WDR17: variants seen among roughly 807,000 people sequenced by gnomAD.
WDR17 encodes the protein WD repeat-containing protein 17.
WDR17 carries 143 observed loss-of-function variants against 161.7 expected under a neutral mutation model. That is an observed-to-expected ratio of 0.88 (90% CI 0.77 to 1.02). The LOEUF (loss-of-function observed/expected upper bound fraction) is 1.02, where lower values mean the gene tolerates loss of function less well. Ranked by LOEUF, WDR17 falls within the 50% of genes least tolerant of loss-of-function variation. The pLI, the probability that WDR17 is intolerant of heterozygous loss-of-function variation, is 0.00. For missense variants in WDR17, 1,469 were observed against 1,520.9 expected (o/e 0.97, Z 0.57); for synonymous variants, 517 against 515.6 (o/e 1.00, Z -0.04).
chr4:176,149,025 C>T (rs951182581), intron 13 of WDR17, among the ~76,000 whole-genome samples: 8 of 152,060 alleles, frequency 5.3e-5, no homozygotes, highest in African/African-American at 1.4e-4. Flanking sequence ...CAAGGCAATG[C>T]GGGACTGAGT....
chr4:176,146,836 G>A (rs190111210), intron 12 of WDR17, among the ~76,000 whole-genome samples: 26 of 151,830 alleles, frequency 1.7e-4, no homozygotes, highest in Non-Finnish European at 2.2e-4. Flanking sequence ...ATATATTGTC[G>A]TGTGCAAGCT....
intron 1 of WDR17, among the ~76,000 whole-genome samples, chr4:176,107,099 G>A (rs567547520): frequency 1.3e-5 from 2 of 151,998 alleles, no homozygotes; most frequent in Non-Finnish European, 2.9e-5. Context: ...ACAAAGAAAC[G>A]TGATTTACCT....
chr4:176,176,587 T>G (rs1751484604), intron 26 of WDR17, among the ~76,000 whole-genome samples: 1 of 152,200 alleles, frequency 6.6e-6, no homozygotes, highest in Non-Finnish European at 1.5e-5. Context: ...CTCTTCAAAC[T>G]CCTATGTGTA....
At chr4:176,115,158 A>G (rs1034979481) in intron 2 of WDR17, among the ~76,000 whole-genome samples, 1 of 152,106 alleles carries the variant, frequency 6.6e-6, no homozygotes, top group African/African-American at 2.4e-5. Flanking sequence ...AGAAACTACA[A>G]CAAAAGGACA....
intron 1 of WDR17, among the ~76,000 whole-genome samples, chr4:176,103,262 T>G (rs1033092370): frequency 9.2e-5 from 14 of 152,118 alleles, no homozygotes; most frequent in Admixed American, 8.5e-4. Context: ...TGTTTATACC[T>G]GAGGATGATC....
chr4:176,111,575 G>T lies in WDR17; in HGVS notation c.-6G>T, dbSNP rs766341976. ...CATTTCTTCAAATTTGTTTTTCAAGGCAAACATGTCCCAGGTAAGGCAAGT... is the reference window on the plus strand; with the variant it reads ...CATTTCTTCAAATTTGTTTTTCAAGTCAAACATGTCCCAGGTAAGGCAAGT... On this transcript the variant is annotated splice_region_variant and 5_prime_UTR_variant, in exon 2 of 29. Transcript: ENST00000508596. 6.3e-6 allele frequency: 10 copies of T among 1,595,544 alleles called. No individual in the cohort carries two copies. Among genetic ancestry groups the T allele is most frequent in the Non-Finnish European group, 8.5e-6 (10 of 1,172,438 alleles).
At chr4:176,126,830 T>C (rs1425210917) in intron 5 of WDR17, among the ~76,000 whole-genome samples, 2 of 152,102 alleles carry the variant, frequency 1.3e-5, no homozygotes, top group Non-Finnish European at 2.9e-5. Flanking sequence ...GAGTGAGATC[T>C]CACGAGATCT....
chr4:176,097,762 C>G (rs1459589985), intron 1 of WDR17, among the ~76,000 whole-genome samples: 1 of 151,282 alleles, frequency 6.6e-6, no homozygotes, highest in Non-Finnish European at 1.5e-5. Context: ...CACACACACA[C>G]ACACACACAA....
At chr4:176,099,382 A>G (rs1421641140) in intron 1 of WDR17, among the ~76,000 whole-genome samples, 1 of 152,160 alleles carries the variant, frequency 6.6e-6, no homozygotes, top group Non-Finnish European at 1.5e-5. Flanking sequence ...TGGAAGCACA[A>G]TATGGTCAGG....
chr4:176,164,989 A>G (rs908069429), intron 22 of WDR17, among the ~76,000 whole-genome samples: 1 of 152,092 alleles, frequency 6.6e-6, no homozygotes, highest in Non-Finnish European at 1.5e-5. Flanking sequence ...GCTAAAAGTC[A>G]TCATCAGATG....
chr4:176,151,752 GAC>G, intron 16 of WDR17, 58 bp from the exon 17 acceptor site: 2 of 1,400,842 alleles, frequency 1.4e-6, no homozygotes, highest in Non-Finnish European at 1.9e-6. Context: ...AAATTATTGT[GAC>G]ACATACAAAA....
chr4:176,174,273 T>A (rs1234279310), intron 25 of WDR17, among the ~76,000 whole-genome samples: 1 of 152,020 alleles, frequency 6.6e-6, no homozygotes, highest in Non-Finnish European at 1.5e-5. Context: ...CGTTCTTTAC[T>A]GTGAGTCTAC....
chr4:176,129,264 C>A (rs975733788), intron 6 of WDR17, among the ~76,000 whole-genome samples: 1 of 151,896 alleles, frequency 6.6e-6, no homozygotes, highest in African/African-American at 2.4e-5. Flanking sequence ...GTTAAAACAA[C>A]CTAAATATTC....
intron 27 of WDR17, 33 bp downstream of exon 27, chr4:176,177,189 G>T: frequency 6.4e-7 from 1 of 1,562,898 alleles, no homozygotes; most frequent in South Asian, 1.1e-5. Context: ...TTGGAATGCA[G>T]AAGGTATTTG....
At chr4:176,144,523 C>G (rs1356200049) in intron 11 of WDR17, among the ~76,000 whole-genome samples, 1 of 152,052 alleles carries the variant, frequency 6.6e-6, no homozygotes, top group African/African-American at 2.4e-5. Flanking sequence ...ATTCCTATTT[C>G]TCTGTTTTAT....
chr4:176,127,207 C>A (rs1742585811), intron 5 of WDR17, among the ~76,000 whole-genome samples: 1 of 151,958 alleles, frequency 6.6e-6, no homozygotes, highest in Non-Finnish European at 1.5e-5. Context: ...TAACAAGGGG[C>A]AACTGCACAT....
At chr4:176,176,044 A>G (rs537252999) in intron 26 of WDR17, among the ~76,000 whole-genome samples, 2 of 152,304 alleles carry the variant, frequency 1.3e-5, no homozygotes, top group African/African-American at 2.4e-5. Context: ...AGGTAGCATA[A>G]CCAAAATTGG....
chr4:176,177,980 C>T (rs1393669023), intron 28 of WDR17, among the ~76,000 whole-genome samples: 11 of 57,684 alleles, frequency 1.9e-4, no homozygotes, highest in Admixed American at 2.7e-4. Context: ...AGTGAAACTC[C>T]GTCTCAAAAA....
intron 1 of WDR17, among the ~76,000 whole-genome samples, chr4:176,108,240 A>C (rs1365001172): frequency 6.6e-6 from 1 of 152,216 alleles, no homozygotes; most frequent in East Asian, 1.9e-4. Flanking sequence ...AAAGGAGAAA[A>C]GGAAAAGAAA....
Sources: gnomAD v4.1 joint callset for allele counts (sites outside exome capture counted in the v4.1 genomes callset) on GRCh38, gnomAD v4.1.1 for gene constraint, MANE v1.5 for transcripts, NCBI Gene and HGNC (gene_info 2026-07-23, HGNC 2026-07-21) for gene names.